Variants in OSBPL9 observed in about 807,000 individuals in gnomAD.
The protein encoded by OSBPL9 is oxysterol-binding protein-related protein 9.
A neutral mutation model predicts 106.6 loss-of-function variants in OSBPL9; 40 were observed. The observed-to-expected ratio is 0.38, with a 90% CI of 0.29 to 0.49. OSBPL9 has a LOEUF of 0.49. OSBPL9 is among the 20% of genes least tolerant of loss of function. The pLI is 0.97. For synonymous variants in OSBPL9, 269 were observed against 295.4 expected, an observed-to-expected ratio of 0.91 and a Z score of 0.92; for missense variants, 609 against 887.2, an observed-to-expected ratio of 0.69 and a Z score of 3.98.
chr1:51,595,115 G>A (rs1353638002), intron 1 of OSBPL9, among the ~76,000 whole-genome samples: 2 of 152,160 alleles, frequency 1.3e-5, no homozygotes, highest in Admixed American at 1.3e-4. Flanking sequence ...AGGCCTGGGG[G>A]TAGTGAGAAT....
At chr1:51,669,758 A>G (rs1487023260) in intron 3 of OSBPL9, 2 of 604,012 alleles carry the variant, frequency 3.3e-6, no homozygotes, top group East Asian at 7.0e-5. Flanking sequence ...AAGGATAAAA[A>G]TCAGTGAAGG....
At chr1:51,713,265 T>G (rs1660442148) in intron 3 of OSBPL9, among the ~76,000 whole-genome samples, 1 of 152,190 alleles carries the variant, frequency 6.6e-6, no homozygotes, top group African/African-American at 2.4e-5. Context: ...TTCTCCTGCC[T>G]CAGCCTCCTG....
intron 1 of OSBPL9, among the ~76,000 whole-genome samples, chr1:51,639,251 C>T (rs1645628701): frequency 6.6e-6 from 1 of 152,132 alleles, no homozygotes; most frequent in Non-Finnish European, 1.5e-5. Context: ...CTTGTGATTC[C>T]TGTCTTCATG....
the OSBPL9 span, among the ~76,000 whole-genome samples, chr1:51,554,134 A>G: frequency 4.0e-3 from 603 of 152,338 alleles, 1 homozygote; most frequent in African/African-American, 0.012. Context: ...CTGTGCAGAC[A>G]CAGGAAGACT....
In OSBPL9 at chr1:51,766,719, G is replaced by GAGTAAGC. The variant is rs552019579; in HGVS notation, c.938+739_938+740insGTAAGCA. Among the ~76,000 whole-genome samples, 971 of 152,246 alleles carry GAGTAAGC rather than the reference G, an allele frequency of 6.4e-3. 7 individuals are homozygous for GAGTAAGC. The highest frequency in any genetic ancestry group is 0.011 in the Non-Finnish European group (758 of 68,022). On this transcript the variant is annotated intron_variant, in intron 12 of 23. Coordinates refer to ENST00000428468, the MANE Select transcript of OSBPL9 (RefSeq NM_024586.6). ...TTGCAAGTCTACTTACAGGGAAATG[G>GAGTAAGC]AAGTCCACCTCAAATCTGTCTCTCT...
chr1:51,585,847 C>A (rs1200582565), intron 1 of OSBPL9, among the ~76,000 whole-genome samples: 1 of 150,012 alleles, frequency 6.7e-6, no homozygotes, highest in Non-Finnish European at 1.5e-5. Context: ...GCAAACAGTT[C>A]TCTTAATTTT....
intron 1 of OSBPL9, among the ~76,000 whole-genome samples, chr1:51,591,351 C>T (rs1019905947): frequency 2.6e-5 from 4 of 152,194 alleles, no homozygotes; most frequent in Admixed American, 6.5e-5. Context: ...GGATTACAGG[C>T]GTGAGCCACC....
chr1:51,686,713 G>A (rs533414626), intron 3 of OSBPL9, among the ~76,000 whole-genome samples: 1 of 152,210 alleles, frequency 6.6e-6, no homozygotes, highest in Non-Finnish European at 1.5e-5. Context: ...GGGAGGTTTG[G>A]AAACCTGGCC....
chr1:51,733,740 AC>A (rs1665003002), intron 4 of OSBPL9, among the ~76,000 whole-genome samples: 1 of 151,740 alleles, frequency 6.6e-6, no homozygotes, highest in Non-Finnish European at 1.5e-5. Flanking sequence ...ACACCATTGC[AC>A]CCCAGCCTGG....
At chr1:51,679,729 G>C (rs955810037) in intron 3 of OSBPL9, among the ~76,000 whole-genome samples, 5 of 152,004 alleles carry the variant, frequency 3.3e-5, no homozygotes, top group African/African-American at 1.2e-4. Flanking sequence ...TAGGCTTCTG[G>C]GTATCAGATT....
chr1:51,777,078 TA>T (rs1675254072), intron 15 of OSBPL9, among the ~76,000 whole-genome samples, 160 bp downstream of exon 15: 1 of 152,236 alleles, frequency 6.6e-6, no homozygotes, highest in Non-Finnish European at 1.5e-5. Flanking sequence ...CCTGTTTGCT[TA>T]AAGTTATATG....
At chr1:51,636,512 A>G (rs1208459505) in intron 1 of OSBPL9, among the ~76,000 whole-genome samples, 1 of 151,704 alleles carries the variant, frequency 6.6e-6, no homozygotes, top group Non-Finnish European at 1.5e-5. Flanking sequence ...TCATTTTTGT[A>G]TTTTTTGTAG....
Position 51,761,885 on chromosome 1 carries a change from A to G in OSBPL9, c.692A>G (p.Lys231Arg). The stretch of plus-strand genomic sequence containing the variant: ...CTCCTAGAACCTGTTCAGTTGTGTA[A>G]GTCAGAGCAGCGTCCATCTTCCCTA... ...VLPPEPVQLC[K>R]SEQRPSSLPV... Residue 231 changes from lysine to arginine, a missense_variant, in exon 11 of 24, where the codon AAG becomes AGG. Physicochemically the swap from Lys to Arg is conservative, Grantham distance 26. Coordinates refer to ENST00000428468, the MANE Select transcript of OSBPL9 (RefSeq NM_024586.6). 6.2e-7 allele frequency: 1 copy of G among 1,613,526 alleles called. No homozygotes were observed. The highest frequency in any genetic ancestry group is 8.5e-7 in the Non-Finnish European group (1 of 1,179,500).
chr1:51,642,528 G>C (rs1645867607), intron 1 of OSBPL9, among the ~76,000 whole-genome samples: 1 of 152,092 alleles, frequency 6.6e-6, no homozygotes, highest in African/African-American at 2.4e-5. Context: ...CAATTGTCCT[G>C]CGTGAGTAGC....
intron 1 of OSBPL9, among the ~76,000 whole-genome samples, chr1:51,579,887 A>AATAATAATAATAATAATT (rs1557574161): frequency 6.6e-6 from 1 of 150,690 alleles, no homozygotes; most frequent in Non-Finnish European, 1.5e-5. Context: ...TAATAATAAT[A>AATAATAATAATAATAATT]ATTTAAACGT....
At chr1:51,551,561 C>CATTTATTTATTT in the OSBPL9 span, among the ~76,000 whole-genome samples, 1 of 151,758 alleles carries the variant, frequency 6.6e-6, no homozygotes, top group East Asian at 1.9e-4. Flanking sequence ...TTCCAACAGT[C>CATTTATTTATTT]ATTTATTTAT....
At chr1:51,652,835 G>T (rs1646600148) in intron 2 of OSBPL9, among the ~76,000 whole-genome samples, 1 of 152,216 alleles carries the variant, frequency 6.6e-6, no homozygotes, top group Non-Finnish European at 1.5e-5. Context: ...GGCTAGGGAT[G>T]CAGTTTCTAG....
intron 3 of OSBPL9, among the ~76,000 whole-genome samples, chr1:51,701,883 T>A (rs1657348133): frequency 6.6e-6 from 1 of 152,138 alleles, no homozygotes; most frequent in South Asian, 2.1e-4. Flanking sequence ...CACCTATGAG[T>A]GAGAACATGC....
At position 51,781,320 on chromosome 1, in the gene OSBPL9, T is replaced by A; in HGVS notation, c.1413T>A (p.Asp471Glu). ...AGTGTCATTGGACATTACCAAATGATACTGAAGAGAACACAGTGAGTTCTG... is the reference window on the plus strand; with the variant it reads ...AGTGTCATTGGACATTACCAAATGAAACTGAAGAGAACACAGTGAGTTCTG... ...IFQCHWTLPN[D>E]TEENTELVSE... The change falls in exon 16 of 24, where the codon GAT becomes GAA. Residue 471 changes from aspartate (D) to glutamate (E), a missense_variant. This residue lies in a region of OSBPL9 where 356 missense variants were observed against 505.8 expected (regional missense o/e 0.70). Transcript: ENST00000428468. 1 of 1,614,096 alleles carries A rather than the reference T, an allele frequency of 6.2e-7. No homozygotes were observed. The highest frequency in any genetic ancestry group is 8.5e-7 in the Non-Finnish European group (1 of 1,179,980).
Sources: allele counts gnomAD v4.1 joint callset (sites outside exome capture counted in the v4.1 genomes callset), GRCh38; gene constraint gnomAD v4.1.1; regional missense constraint gnomAD v4.1.1; transcripts MANE v1.5; gene names NCBI Gene and HGNC (gene_info 2026-07-23, HGNC 2026-07-21).